SPAG17: variants seen among roughly 807,000 people sequenced by gnomAD.
The protein encoded by SPAG17 is sperm-associated antigen 17.
Under a neutral mutation model 273.6 loss-of-function variants are expected in SPAG17, and 169 were observed. The ratio of observed to expected loss-of-function variants is 0.62; its 90% CI spans 0.55 to 0.70. SPAG17 has a LOEUF of 0.70. Among genes scored for constraint, SPAG17 ranks in the 30% least tolerant of loss-of-function variants. The probability of loss-of-function intolerance (pLI) is 0.00; values close to 1 mark genes in which losing one functional copy is unlikely to be tolerated. For synonymous variants in SPAG17, 825 were observed against 873.2 expected (o/e 0.94, Z 0.97); for missense variants, 2,557 against 2,627.8 (o/e 0.97, Z 0.59).
At position 118,036,789 on chromosome 1, in the gene SPAG17, T is replaced by A. The variant is rs1358557968; in HGVS notation, c.3414A>T (p.Gly1138=). The A allele has an allele frequency of 2.6e-6, 4 of 1,554,850 alleles. No homozygotes were observed. The highest frequency in any genetic ancestry group is 3.5e-6 in the Non-Finnish European group (4 of 1,148,006). The change falls in exon 24 of 49, where the codon GGA becomes GGT. Residue 1138 remains glycine (G), a synonymous_variant. Coordinates refer to ENST00000336338, the MANE Select transcript of SPAG17 (RefSeq NM_206996.4). ...NGICLSISYY[G]SNGMAPEDKD... The stretch of plus-strand genomic sequence containing the variant: ...TTTCACCTGGTGCCATTCCATTTGA[T>A]CCATAGTAACTTATCGAGAGGCAGA...
chr1:118,072,141 GA>G (rs1200042069), intron 17 of SPAG17, among the ~76,000 whole-genome samples: 1 of 152,188 alleles, frequency 6.6e-6, no homozygotes, highest in Non-Finnish European at 1.5e-5. Flanking sequence ...GACAATCTGG[GA>G]AGTCAGAACA....
At chr1:118,037,979 T>C (rs1267443067) in intron 23 of SPAG17, among the ~76,000 whole-genome samples, 1 of 152,130 alleles carries the variant, frequency 6.6e-6, no homozygotes, top group African/African-American at 2.4e-5. Flanking sequence ...AAGGTAATGC[T>C]TTAAGAGAAT....
At chr1:118,090,896 TA>T (rs777696886) in intron 10 of SPAG17, among the ~76,000 whole-genome samples, 21 of 151,650 alleles carry the variant, frequency 1.4e-4, no homozygotes, top group Non-Finnish European at 2.5e-4. Flanking sequence ...AATAATTAAA[TA>T]AATAACAAAT....
intron 28 of SPAG17, among the ~76,000 whole-genome samples, chr1:118,016,999 G>A (rs1660044203): frequency 6.6e-6 from 1 of 152,150 alleles, no homozygotes; most frequent in South Asian, 2.1e-4. Context: ...GATAGTAAAG[G>A]AATGTTAACT....
chr1:118,040,903 A>T (rs1287242451), intron 21 of SPAG17, 62 bp from the exon 22 acceptor site: 9 of 1,130,994 alleles, frequency 8.0e-6, no homozygotes, highest in Non-Finnish European at 1.2e-5. Flanking sequence ...TCAACTTATC[A>T]GTGTTAGCCA....
At chr1:117,960,512 T>TA (rs1295818221) in intron 48 of SPAG17, 3 of 152,304 alleles carry the variant, frequency 2.0e-5, no homozygotes, top group Non-Finnish European at 4.4e-5. Flanking sequence ...CTGTGGTACT[T>TA]ATCAAGCATC....
chr1:118,066,581 A>G (rs1417792670), intron 18 of SPAG17, among the ~76,000 whole-genome samples, 164 bp downstream of exon 18: 1 of 152,212 alleles, frequency 6.6e-6, no homozygotes, highest in Admixed American at 6.5e-5. Context: ...GCACATGCTG[A>G]CATTCAATTT....
intron 1 of SPAG17, among the ~76,000 whole-genome samples, chr1:118,156,201 A>T (rs1659639717): frequency 1.3e-5 from 2 of 152,362 alleles, no homozygotes; most frequent in East Asian, 3.9e-4. Context: ...ATTGGACCAC[A>T]TATGTGGCTG....
chr1:118,070,612 C>T (rs994093412), intron 17 of SPAG17, among the ~76,000 whole-genome samples: 1 of 152,042 alleles, frequency 6.6e-6, no homozygotes, highest in Non-Finnish European at 1.5e-5. Context: ...TAAAGTGAGC[C>T]ACAAATGTGA....
At chr1:118,142,761 A>G (rs1007424615) in intron 3 of SPAG17, among the ~76,000 whole-genome samples, 7 of 152,220 alleles carry the variant, frequency 4.6e-5, no homozygotes, top group African/African-American at 1.7e-4. Context: ...GCAAGATTAC[A>G]CAGCTAGCAA....
At chr1:118,142,391 CGTT>C (rs1252305551) in intron 3 of SPAG17, among the ~76,000 whole-genome samples, 1 of 152,018 alleles carries the variant, frequency 6.6e-6, no homozygotes, top group Non-Finnish European at 1.5e-5. Context: ...AAGTTGTGAA[CGTT>C]GGTTGCACAA....
At chr1:118,167,686 AT>A (rs1660236475) in intron 1 of SPAG17, among the ~76,000 whole-genome samples, 1 of 152,174 alleles carries the variant, frequency 6.6e-6, no homozygotes, top group African/African-American at 2.4e-5. Flanking sequence ...AGGAGTAGAG[AT>A]TTTAGGTACA....
chr1:118,078,304 C>T (rs1343146620), intron 15 of SPAG17, among the ~76,000 whole-genome samples: 1 of 151,880 alleles, frequency 6.6e-6, no homozygotes, highest in Non-Finnish European at 1.5e-5. Flanking sequence ...GGCCCATAAC[C>T]ACTTATTTTT....
Position 117,963,801 on chromosome 1 carries a change from A to G in SPAG17, c.6670T>C (p.Ter2224GlnextTer8). The change falls in exon 48 of 49, where the codon TAG becomes CAG. Residue 2224 changes from the stop codon to glutamine (Q), a stop_lost and splice_region_variant. Transcript: ENST00000336338. ...VFMSRKVSPH[*>Q] is the part of the protein sequence containing the mutation. ...TTCCCATTTATTACTTACTGTACCT[A>G]ATGTGGAGAAACTTTACGAGACATG... is the stretch of plus-strand genomic sequence containing the variant. 1 of 1,611,538 alleles carries G rather than the reference A, an allele frequency of 6.2e-7. No homozygotes were observed. The highest frequency in any genetic ancestry group is 1.7e-4 in the Middle Eastern group (1 of 6,050).
At position 117,970,031 on chromosome 1, in the gene SPAG17, A is replaced by G. The variant is rs772615901; in HGVS notation, c.6387+25T>C. On this transcript the variant is annotated intron_variant, in intron 46 of 48. Coordinates refer to ENST00000336338, the MANE Select transcript of SPAG17 (RefSeq NM_206996.4). ...GTCACTTGCATGCACGCAAGCACAC[A>G]CAACAGATGACATATAGGACTTACA... 3.1e-6 allele frequency: 5 copies of G among 1,610,000 alleles called. No individual in the cohort carries two copies. In the Admixed American group the frequency reaches 5.1e-5, roughly 16 times the overall value.
In SPAG17 at chr1:117,963,972, AC is replaced by A. The variant is rs775890005; in HGVS notation, c.6533-35del. 1.9e-6 allele frequency: 3 copies of A among 1,589,808 alleles called. No individual in the cohort carries two copies. In the South Asian group the frequency reaches 3.4e-5, roughly 18 times the overall value. ...CTTGTTAAGGGCTGTGCTTTTCATGACTAAATTATTTGCATATATAAACCTA... is the reference window on the plus strand; with the variant it reads ...CTTGTTAAGGGCTGTGCTTTTCATGATAAATTATTTGCATATATAAACCTA... On this transcript the variant is annotated intron_variant, in intron 47 of 48. Transcript: ENST00000336338.
chr1:117,997,566 T>TAAAAAAAAAA (rs11428560), intron 32 of SPAG17, among the ~76,000 whole-genome samples: 2 of 123,402 alleles, frequency 1.6e-5, no homozygotes, highest in Admixed American at 8.4e-5. Context: ...GAATGAGAAG[T>TAAAAAAAAAA]AAAAAAAAAA....
chr1:118,127,339 G>A lies in SPAG17; in HGVS notation c.316-11898C>T, dbSNP rs1592277. On this transcript the variant is annotated intron_variant, in intron 3 of 48. Transcript: ENST00000336338. ...CAGGAAGTAGGGTGCTGGCATCTGC[G>A]CAGCTTCTAGGGAGGCCTCAGGAAA... 6.6e-3 allele frequency among the ~76,000 whole-genome samples: 996 copies of A among 152,004 alleles called. 8 individuals are homozygous for A. The highest frequency in any genetic ancestry group is 0.023 in the African/African-American group (947 of 41,440).
In SPAG17 at chr1:118,148,379, C is replaced by T. The variant is rs182933075; in HGVS notation, c.315+2164G>A. Among the ~76,000 whole-genome samples the T allele has an allele frequency of 9.6e-3, 1,468 of 152,280 alleles. 13 individuals are homozygous for T. The highest frequency in any genetic ancestry group is 0.014 in the Non-Finnish European group (932 of 68,016). On this transcript the variant is annotated intron_variant, in intron 3 of 48. Coordinates refer to ENST00000336338, the MANE Select transcript of SPAG17 (RefSeq NM_206996.4). ...AGCGAAAAAACAAATCCTCCACACT[C>T]GGCAAGGGTACACGAACCTGCTGCA...
Sources: allele counts gnomAD v4.1 joint callset (sites outside exome capture counted in the v4.1 genomes callset), GRCh38; gene constraint gnomAD v4.1.1; transcripts MANE v1.5; gene names NCBI Gene and HGNC (gene_info 2026-07-23, HGNC 2026-07-21).